The following FBXL13 variants were observed in gnomAD, a reference collection of about 807,000 sequenced individuals.
FBXL13 encodes F-box and leucine rich repeat protein 13.
In FBXL13, 67 loss-of-function variants were observed where a neutral mutation model predicts 83.6. The ratio of observed to expected loss-of-function variants is 0.80; its 90% CI spans 0.66 to 0.98. The LOEUF is 0.98. FBXL13 is among the 50% of genes least tolerant of loss of function. The pLI, the probability that FBXL13 is intolerant of heterozygous loss-of-function variation, is 0.00. For missense variants in FBXL13, 822 were observed against 866.5 expected (o/e 0.95, Z 0.64); for synonymous variants, 272 against 299.5 (o/e 0.91, Z 0.95).
At chr7:102,965,661 T>TA (rs1750875907) in intron 7 of FBXL13, among the ~76,000 whole-genome samples, 1 of 152,248 alleles carries the variant, frequency 6.6e-6, no homozygotes, top group South Asian at 2.1e-4. Flanking sequence ...TACTATTTTT[T>TA]AACCTGAAAC....
chr7:102,963,828 T>C (rs1009976967), intron 7 of FBXL13, among the ~76,000 whole-genome samples, 163 bp from the exon 9 acceptor site: 10 of 152,016 alleles, frequency 6.6e-5, no homozygotes, highest in African/African-American at 2.4e-4. Flanking sequence ...ATGAGAGAGA[T>C]ATTTGCAAAC....
intron 10 of FBXL13, among the ~76,000 whole-genome samples, chr7:102,916,388 G>C (rs1057121661): frequency 6.6e-6 from 1 of 152,104 alleles, no homozygotes; most frequent in Non-Finnish European, 1.5e-5. Flanking sequence ...AGAACCTCTG[G>C]TTTAGATAAA....
chr7:102,836,239 T>A (rs1801954549), intron 17 of FBXL13, among the ~76,000 whole-genome samples: 1 of 152,234 alleles, frequency 6.6e-6, no homozygotes, highest in African/African-American at 2.4e-5. Flanking sequence ...ACATTCATGG[T>A]ACCATTCTCA....
At chr7:102,873,957 C>T (rs1046857121) in intron 16 of FBXL13, among the ~76,000 whole-genome samples, 1 of 152,216 alleles carries the variant, frequency 6.6e-6, no homozygotes, top group South Asian at 2.1e-4. Flanking sequence ...TGTCTTCCCA[C>T]TAGAATGTAA....
rs547180005 is a variant in FBXL13 at position 103,069,936 on chromosome 7, G to A, written c.-105+4310C>T. Among the ~76,000 whole-genome samples, 21 of 152,106 alleles carry A rather than the reference G, an allele frequency of 1.4e-4. No individual in the cohort carries two copies. The East Asian group carries it at 2.1e-3, about 15-fold the overall frequency. On this transcript the variant is annotated intron_variant, in intron 1 of 19. Transcript: ENST00000313221. ...TACTAAAAATACAAAAAAATTAGCC[G>A]GGCATGGTGGCAGGCGCCTGTAGTC... is the stretch of plus-strand genomic sequence containing the variant.
exon 2 of FBXL13, chr7:103,055,706 C>T (rs978710608): frequency 6.2e-6 from 8 of 1,285,318 alleles, no homozygotes; most frequent in East Asian, 5.6e-5. Flanking sequence ...AATACCTCAG[C>T]GGATCCTCAG....
At chr7:102,831,431 A>ACACACACCCC (rs1033135095) in intron 18 of FBXL13, among the ~76,000 whole-genome samples, 35 of 147,236 alleles carry the variant, frequency 2.4e-4, no homozygotes, top group African/African-American at 8.2e-4. Flanking sequence ...ACACACACAC[A>ACACACACCCC]CCCCACTACA....
intron 6 of FBXL13, among the ~76,000 whole-genome samples, chr7:102,980,834 C>G (rs1828120133): frequency 6.6e-6 from 1 of 151,668 alleles, no homozygotes. Flanking sequence ...ATAAATAAAT[C>G]TTCATGACCC....
At chr7:102,849,663 A>C (rs1008556072) in intron 17 of FBXL13, among the ~76,000 whole-genome samples, 4 of 152,200 alleles carry the variant, frequency 2.6e-5, no homozygotes, top group African/African-American at 4.8e-5. Context: ...GGAATTGTGA[A>C]ATTAGTTTGT....
Position 102,838,128 on chromosome 7 carries a change from A to G in FBXL13, c.1720-5154T>C, listed in dbSNP as rs560192671. ...GAGGCAGCATACAGGGTTGGTTAAGAGCACAGTCTGGGGGCCCACTGGCTT... is the reference window on the plus strand; with the variant it reads ...GAGGCAGCATACAGGGTTGGTTAAGGGCACAGTCTGGGGGCCCACTGGCTT... On this transcript the variant is annotated intron_variant, in intron 17 of 19. Transcript: ENST00000313221. Among the ~76,000 whole-genome samples, 3 of 152,292 alleles carry G rather than the reference A, an allele frequency of 2.0e-5. No homozygotes were observed. In the South Asian group the frequency reaches 6.2e-4, roughly 32 times the overall value.
At chr7:103,055,306 G>T in intron 2 of FBXL13, 128 bp from the exon 3 acceptor site, 1 of 480,006 alleles carries the variant, frequency 2.1e-6, no homozygotes. Context: ...CTTAGGAGAA[G>T]CAGATCAGAA....
chr7:102,906,614 C>T lies in FBXL13; in HGVS notation c.1008+6472G>A, dbSNP rs138101509. On this transcript the variant is annotated intron_variant, in intron 11 of 19. Coordinates refer to ENST00000313221, the Ensembl canonical transcript of FBXL13. Reference sequence around the variant, plus strand: ...ATGTTTGAAGGATATTTTTACCAGACATACTATTCTAGGGTAAAAGTTTTT... The same window carrying T: ...ATGTTTGAAGGATATTTTTACCAGATATACTATTCTAGGGTAAAAGTTTTT... Among the ~76,000 whole-genome samples the T allele has an allele frequency of 3.7e-3, 567 of 152,296 alleles. 5 individuals carry two copies. The highest frequency in any genetic ancestry group is 0.013 in the African/African-American group (560 of 41,558).
intron 6 of FBXL13, among the ~76,000 whole-genome samples, chr7:102,969,215 A>G (rs952420131): frequency 1.3e-5 from 2 of 152,086 alleles, no homozygotes; most frequent in South Asian, 2.1e-4. Flanking sequence ...TTTTTTTACC[A>G]TATTTTTACT....
At chr7:103,074,780 C>T (rs1326661889), upstream of FBXL13, 4 of 1,288,998 alleles carry the variant, frequency 3.1e-6, no homozygotes, top group Admixed American at 4.6e-5. Context: ...TGGCCCAAGG[C>T]CTGACGGAGA....
At position 102,848,397 on chromosome 7, in the gene FBXL13, A is replaced by G. The variant is rs1220020342; in HGVS notation, c.1719+6380T>C. Among the ~76,000 whole-genome samples, 3 of 100,592 alleles carry G rather than the reference A, an allele frequency of 3.0e-5. 1 individual carries two copies. The East Asian group carries it at 1.1e-3, about 36-fold the overall frequency. The allele number at this position is 100,592 out of a possible 152,430, so 66.0% of individuals were successfully genotyped here. ...CGGTGAAACCCCGTCTCTACTAAAAATACAAAAAATTAGCCGGGCGTAGTG... is the reference window on the plus strand; with the variant it reads ...CGGTGAAACCCCGTCTCTACTAAAAGTACAAAAAATTAGCCGGGCGTAGTG... On this transcript the variant is annotated intron_variant, in intron 17 of 19. Transcript: ENST00000313221.
intron 6 of FBXL13, among the ~76,000 whole-genome samples, chr7:103,014,741 G>C (rs1020053210): frequency 2.0e-5 from 3 of 151,836 alleles, no homozygotes; most frequent in Non-Finnish European, 4.4e-5. Flanking sequence ...GGCTAACACA[G>C]TGAAACCCCG....
chr7:102,883,734 T>A, intron 12 of FBXL13, 49 bp from the exon 14 acceptor site: 1 of 1,182,402 alleles, frequency 8.5e-7, no homozygotes, highest in Admixed American at 2.0e-5. Context: ...AGAACAGGTT[T>A]AGCAAGGTAA....
intron 6 of FBXL13, among the ~76,000 whole-genome samples, chr7:103,024,829 A>ATG (rs1202383471): frequency 9.4e-5 from 12 of 128,052 alleles, no homozygotes; most frequent in Admixed American, 3.4e-4. Flanking sequence ...ATGTATATAT[A>ATG]TGTGTATATA....
chr7:103,052,257 T>C (rs1339107717), intron 2 of FBXL13, among the ~76,000 whole-genome samples: 5 of 152,194 alleles, frequency 3.3e-5, no homozygotes, highest in Admixed American at 6.5e-5. Flanking sequence ...TTTAGTATAC[T>C]ATACATTTTT....
Sources: allele counts gnomAD v4.1 joint callset (sites outside exome capture counted in the v4.1 genomes callset), GRCh38; gene constraint gnomAD v4.1.1; transcripts MANE v1.5; gene names NCBI Gene and HGNC (gene_info 2026-07-23, HGNC 2026-07-21).